Variants in ANO4 observed in about 807,000 individuals in gnomAD.
ANO4 encodes anoctamin 4, also known as anoctamin-4.
In ANO4, 69 loss-of-function variants were observed where a neutral mutation model predicts 141.9. The observed-to-expected ratio is 0.49, with a 90% confidence interval of 0.40 to 0.59. The LOEUF (loss-of-function observed/expected upper bound fraction) is 0.59, where lower values mean the gene tolerates loss of function less well. Ranked by LOEUF, ANO4 falls within the 20% of genes least tolerant of loss-of-function variation. The pLI is 0.00. For missense variants in ANO4, 894 were observed against 1,162.2 expected (o/e 0.77, Z 3.36); for synonymous variants, 350 against 394.3 (o/e 0.89, Z 1.33).
intron 14 of ANO4, among the ~76,000 whole-genome samples, chr12:101,066,014 A>G (rs926763192): frequency 1.3e-5 from 2 of 152,254 alleles, no homozygotes; most frequent in African/African-American, 4.8e-5. Context: ...TGAAAACCAT[A>G]TGATCATTTC....
intron 1 of ANO4, among the ~76,000 whole-genome samples, chr12:100,900,304 T>C (rs1307823423): frequency 2.0e-5 from 3 of 151,908 alleles, no homozygotes; most frequent in Non-Finnish European, 4.4e-5. Context: ...TACTTACTTA[T>C]TTATTTATTT....
At chr12:101,014,869 C>G (rs1194160263) in intron 8 of ANO4, among the ~76,000 whole-genome samples, 2 of 152,140 alleles carry the variant, frequency 1.3e-5, no homozygotes, top group African/African-American at 4.8e-5. Context: ...GAATCTCACT[C>G]TATCACCCAG....
intron 1 of ANO4, among the ~76,000 whole-genome samples, chr12:100,812,424 G>A (rs1343574555): frequency 1.3e-5 from 2 of 151,996 alleles, no homozygotes; most frequent in South Asian, 2.1e-4. Context: ...TGGATGTAGA[G>A]GCAGCATGAG....
Position 101,086,713 on chromosome 12 carries a change from T to C in ANO4, c.1590T>C (p.Thr530=). Reference sequence around the variant, plus strand: ...GGATCGTCATTTACCGGGTGGTGACTGTCAGCACTTTCGCTGCCTTTAAGT... The same window carrying C: ...GGATCGTCATTTACCGGGTGGTGACCGTCAGCACTTTCGCTGCCTTTAAGT... ...VFGIVIYRVV[T]VSTFAAFKWA... is the part of the protein sequence containing the mutation. The change falls in exon 17 of 28, where the codon ACT becomes ACC. Residue 530 remains threonine (T), a synonymous_variant. Coordinates refer to ENST00000392977, the MANE Select transcript of ANO4 (RefSeq NM_001286615.2). 6.2e-7 allele frequency: 1 copy of C among 1,613,908 alleles called. No individual in the cohort carries two copies. Among genetic ancestry groups the C allele is most frequent in the East Asian group, 2.2e-5 (1 of 44,868 alleles).
At chr12:100,914,795 G>A (rs1380775696) in intron 2 of ANO4, among the ~76,000 whole-genome samples, 1 of 152,076 alleles carries the variant, frequency 6.6e-6, no homozygotes, top group Non-Finnish European at 1.5e-5. Context: ...TGTAAAGACA[G>A]AATGGACCTC....
At chr12:100,739,861 C>T (rs1260485000) in exon 3 of ANO4, 10 of 702,484 alleles carry the variant, frequency 1.4e-5, no homozygotes, top group South Asian at 3.0e-5. Context: ...CAGGTTATGA[C>T]GTTGCGGGGC....
At chr12:101,011,822 G>A (rs1436512379) in intron 8 of ANO4, among the ~76,000 whole-genome samples, 1 of 152,156 alleles carries the variant, frequency 6.6e-6, no homozygotes, top group African/African-American at 2.4e-5. Context: ...GGTCAATAAT[G>A]TGACTATAAT....
At chr12:100,997,433 C>G (rs1195813543) in intron 8 of ANO4, among the ~76,000 whole-genome samples, 4 of 151,752 alleles carry the variant, frequency 2.6e-5, no homozygotes, top group Non-Finnish European at 5.9e-5. Context: ...CTGCCTTACC[C>G]TAGGGATAAG....
At chr12:100,790,639 T>G (rs541839138), upstream of ANO4, among the ~76,000 whole-genome samples, 1 of 146,778 alleles carries the variant, frequency 6.8e-6, no homozygotes. Context: ...TATTTTTCTA[T>G]CTTCAGAAAA....
At chr12:101,061,423 G>A (rs1055456149) in intron 14 of ANO4, among the ~76,000 whole-genome samples, 39 of 151,734 alleles carry the variant, frequency 2.6e-4, no homozygotes, top group Non-Finnish European at 5.0e-4. Flanking sequence ...TTTGAATGTT[G>A]GCCTGTCTTT....
intron 1 of ANO4, among the ~76,000 whole-genome samples, chr12:100,806,637 T>A (rs370531246): frequency 7.1e-6 from 1 of 140,590 alleles, no homozygotes; most frequent in East Asian, 2.4e-4. Flanking sequence ...CTCCGCCTCC[T>A]GGGTTCAAGC....
chr12:100,837,957 T>A (rs1455758259), intron 1 of ANO4, among the ~76,000 whole-genome samples: 2 of 152,136 alleles, frequency 1.3e-5, no homozygotes, highest in African/African-American at 4.8e-5. Context: ...CCTTCCTTTT[T>A]AACAGACCAG....
chr12:100,997,990 T>C (rs541447159), intron 8 of ANO4, among the ~76,000 whole-genome samples: 52 of 152,210 alleles, frequency 3.4e-4, no homozygotes, highest in Non-Finnish European at 6.3e-4. Flanking sequence ...AGCAAAATAC[T>C]GCAGTATACC....
intron 1 of ANO4, among the ~76,000 whole-genome samples, chr12:100,852,765 CAAAAT>C (rs1351880926): frequency 2.0e-5 from 3 of 152,016 alleles, no homozygotes; most frequent in Non-Finnish European, 2.9e-5. Flanking sequence ...AGATGAGTCT[CAAAAT>C]AAAAATATAC....
intron 7 of ANO4, among the ~76,000 whole-genome samples, chr12:100,986,653 C>A (rs1039107020): frequency 2.6e-5 from 4 of 152,120 alleles, no homozygotes; most frequent in Non-Finnish European, 5.9e-5. Context: ...CCAAATTCCA[C>A]GTGTTTTCAG....
chr12:101,032,832 G>T (rs1301604662), intron 9 of ANO4, among the ~76,000 whole-genome samples: 1 of 151,488 alleles, frequency 6.6e-6, no homozygotes, highest in Non-Finnish European at 1.5e-5. Flanking sequence ...GTGCTGGAGA[G>T]GATGTGGAGA....
intron 1 of ANO4, among the ~76,000 whole-genome samples, chr12:100,849,811 G>A (rs928771246): frequency 1.3e-5 from 2 of 152,100 alleles, no homozygotes; most frequent in East Asian, 1.9e-4. Context: ...GCCAAAATGG[G>A]GATTATATCA....
intron 1 of ANO4, among the ~76,000 whole-genome samples, chr12:100,732,693 G>A (rs2031430405): frequency 6.6e-6 from 1 of 152,062 alleles, no homozygotes; most frequent in Admixed American, 6.6e-5. Flanking sequence ...TTCCTGCAAT[G>A]TTTCATAAAC....
intron 3 of ANO4, among the ~76,000 whole-genome samples, chr12:100,780,809 G>A (rs1253440595): frequency 2.6e-5 from 4 of 152,140 alleles, no homozygotes; most frequent in Admixed American, 6.5e-5. Flanking sequence ...CTCCCAAAAC[G>A]CTGGGATTAC....
Sources: allele counts gnomAD v4.1 joint callset (sites outside exome capture counted in the v4.1 genomes callset), GRCh38; gene constraint gnomAD v4.1.1; transcripts MANE v1.5; gene names NCBI Gene and HGNC (gene_info 2026-07-23, HGNC 2026-07-21).